PTPRD: variants seen among roughly 807,000 people sequenced by gnomAD.
The protein encoded by PTPRD is receptor-type tyrosine-protein phosphatase delta.
In PTPRD, 34 loss-of-function variants were observed where a neutral mutation model predicts 214.5. The observed-to-expected ratio is 0.16, with a 90% CI of 0.12 to 0.21. The LOEUF (loss-of-function observed/expected upper bound fraction) is 0.21. PTPRD is among the 10% of genes least tolerant of loss of function. PTPRD has a pLI of 1.00. For synonymous variants in PTPRD, 1,128 were observed against 845.7 expected (o/e 1.33, Z -5.79); for missense variants, 2,545 against 2,398.7 (o/e 1.06, Z -1.27).
At chr9:8,333,923 A>AAAAGAGACAAAGAAGG (rs1240936391) in intron 43 of PTPRD, among the ~76,000 whole-genome samples, 7 of 152,036 alleles carry the variant, frequency 4.6e-5, no homozygotes, top group African/African-American at 1.4e-4. Context: ...AACAAAGATC[A>AAAAGAGACAAAGAAGG]AAAGAGACAA....
chr9:9,653,270 A>G (rs1382005289), intron 7 of PTPRD, among the ~76,000 whole-genome samples: 1 of 140,702 alleles, frequency 7.1e-6, no homozygotes, highest in Admixed American at 7.3e-5. Context: ...TGAACCCGGG[A>G]AGCGGAGCTT....
intron 10 of PTPRD, among the ~76,000 whole-genome samples, chr9:9,076,710 A>G (rs372548819): frequency 9.0e-4 from 137 of 152,018 alleles, no homozygotes; most frequent in African/African-American, 3.3e-3. Flanking sequence ...GATGGACATT[A>G]GGTTGCCTCA....
At chr9:9,923,522 C>G (rs565888808) in intron 5 of PTPRD, among the ~76,000 whole-genome samples, 1 of 151,840 alleles carries the variant, frequency 6.6e-6, no homozygotes, top group Non-Finnish European at 1.5e-5. Context: ...CAGTTCCACA[C>G]AAAGGTATAT....
At chr9:10,047,336 G>A (rs2097423427) in intron 3 of PTPRD, among the ~76,000 whole-genome samples, 1 of 148,414 alleles carries the variant, frequency 6.7e-6, no homozygotes, top group Non-Finnish European at 1.5e-5. Context: ...GTGTGTGTGT[G>A]TGCGTGTGTG....
rs1822842867 is a variant in PTPRD at position 8,317,579 on chromosome 9, T to C, written c.*295A>G. On this transcript the variant is annotated 3_prime_UTR_variant, in exon 46 of 46. Coordinates refer to ENST00000381196, the MANE Select transcript of PTPRD (RefSeq NM_002839.4). ...AATCCTGAATAAGATGGTGGTTCTT[T>C]GCTGTGATTTCTTCTTCCCTTGATT... The C allele has an allele frequency of 3.1e-6, 1 of 320,940 alleles. No homozygotes were observed. The highest frequency in any genetic ancestry group is 2.0e-5 in the African/African-American group (1 of 48,888). The allele number at this position is 320,940 out of a possible 1,614,324, so 19.9% of individuals were successfully genotyped here.
chr9:9,050,083 T>A (rs2099681843), intron 10 of PTPRD, among the ~76,000 whole-genome samples: 1 of 152,220 alleles, frequency 6.6e-6, no homozygotes, highest in South Asian at 2.1e-4. Context: ...TTGTGCAATT[T>A]ATTGCCCATG....
At chr9:8,374,124 G>C (rs1482050827) in intron 39 of PTPRD, among the ~76,000 whole-genome samples, 1 of 75,672 alleles carries the variant, frequency 1.3e-5, no homozygotes, top group Admixed American at 2.0e-4. Context: ...CTGTGTGTGT[G>C]TGTGTGTGTG....
chr9:9,412,655 A>G (rs1556525), intron 8 of PTPRD, among the ~76,000 whole-genome samples: 2 of 152,034 alleles, frequency 1.3e-5, no homozygotes, highest in African/African-American at 4.8e-5. Flanking sequence ...TTGTCTTCAT[A>G]CACACCTCTC....
rs1465444050 is a variant in PTPRD at position 9,204,846 on chromosome 9, AATT to A, written c.-202-21486_-202-21484del. On this transcript the variant is annotated intron_variant, in intron 9 of 45. Transcript: ENST00000381196. ...ATCAGAACCATTTATAAATGTCTCA[AATT>A]ATTATCATTATTATCACAAAACAAT... 5.9e-5 allele frequency among the ~76,000 whole-genome samples: 9 copies of A among 152,252 alleles called. No homozygotes were observed. The East Asian group carries it at 1.7e-3, about 29-fold the overall frequency.
chr9:10,355,912 T>C (rs2097268393), intron 2 of PTPRD, among the ~76,000 whole-genome samples: 1 of 152,188 alleles, frequency 6.6e-6, no homozygotes, highest in Non-Finnish European at 1.5e-5. Context: ...AGTAGAAATT[T>C]AATGATTGTG....
intron 5 of PTPRD, among the ~76,000 whole-genome samples, chr9:9,776,860 C>T (rs958884332): frequency 6.6e-6 from 1 of 152,194 alleles, no homozygotes; most frequent in African/African-American, 2.4e-5. Context: ...AAAGCCCATT[C>T]GTTAACTAGA....
intron 9 of PTPRD, among the ~76,000 whole-genome samples, chr9:9,362,517 C>A (rs572719004): frequency 5.3e-4 from 80 of 151,120 alleles, no homozygotes; most frequent in African/African-American, 1.9e-3. Flanking sequence ...ACTTCATTGT[C>A]AACATTGTCA....
intron 10 of PTPRD, among the ~76,000 whole-genome samples, chr9:9,097,405 T>TC (rs1045047313): frequency 1.6e-4 from 24 of 151,436 alleles, no homozygotes; most frequent in African/African-American, 5.6e-4. Flanking sequence ...CATGGCTCTT[T>TC]TTTTTTTTTT....
intron 6 of PTPRD, among the ~76,000 whole-genome samples, chr9:9,764,438 G>C (rs1565086266): frequency 6.6e-6 from 1 of 152,034 alleles, no homozygotes; most frequent in Non-Finnish European, 1.5e-5. Context: ...CCACTTCAAA[G>C]AAAAGAGTGC....
At chr9:9,699,920 C>G (rs1753215787) in intron 7 of PTPRD, among the ~76,000 whole-genome samples, 1 of 152,150 alleles carries the variant, frequency 6.6e-6, no homozygotes, top group African/African-American at 2.4e-5. Context: ...TAACCCTGTA[C>G]AGCAGGAGCT....
chr9:8,463,830 T>C (rs2096482081), intron 32 of PTPRD, among the ~76,000 whole-genome samples: 1 of 151,910 alleles, frequency 6.6e-6, no homozygotes, highest in African/African-American at 2.4e-5. Context: ...CTTGGAACAT[T>C]GTTATAAACT....
chr9:9,184,795 G>C (rs1399278412), intron 9 of PTPRD, among the ~76,000 whole-genome samples: 4 of 151,900 alleles, frequency 2.6e-5, no homozygotes. Flanking sequence ...CCCTCTCTCT[G>C]TTTTTTAAAA....
chr9:9,864,033 G>A (rs899599790), intron 5 of PTPRD, among the ~76,000 whole-genome samples: 10 of 152,144 alleles, frequency 6.6e-5, no homozygotes, highest in Admixed American at 2.0e-4. Context: ...GGCCGGGCGC[G>A]GTGGCTCATG....
chr9:9,244,241 C>T (rs987274441), intron 9 of PTPRD, among the ~76,000 whole-genome samples: 3 of 152,038 alleles, frequency 2.0e-5, no homozygotes, highest in Non-Finnish European at 4.4e-5. Flanking sequence ...AATGCCATCC[C>T]CATCTAGCTA....
Sources: allele counts gnomAD v4.1 joint callset (sites outside exome capture counted in the v4.1 genomes callset), GRCh38; gene constraint gnomAD v4.1.1; transcripts MANE v1.5; gene names NCBI Gene and HGNC (gene_info 2026-07-23, HGNC 2026-07-21).